The following XIRP2 variants were observed in gnomAD, a reference collection of about 807,000 sequenced individuals.
XIRP2 encodes the protein xin actin binding repeat containing 2, also known as xin actin-binding repeat-containing protein 2.
A neutral mutation model predicts 277.0 loss-of-function variants in XIRP2; 236 were observed. The observed-to-expected ratio is 0.85, with a 90% CI of 0.77 to 0.95. XIRP2 has a LOEUF of 0.95. Among genes scored for constraint, XIRP2 ranks in the 40% least tolerant of loss-of-function variants. The pLI is 0.00. For synonymous variants in XIRP2, 1,490 were observed against 1,416.5 expected (o/e 1.05, Z -1.17); for missense variants, 4,640 against 4,157.5 (o/e 1.12, Z -3.19).
At chr2:167,016,914 A>T (rs1415669427) in intron 2 of XIRP2, among the ~76,000 whole-genome samples, 1 of 151,960 alleles carries the variant, frequency 6.6e-6, no homozygotes, top group Non-Finnish European at 1.5e-5. Context: ...TTCTTATATC[A>T]TGCTTTTTCA....
intron 2 of XIRP2, among the ~76,000 whole-genome samples, chr2:167,005,798 A>C (rs1003538030): frequency 1.3e-5 from 2 of 151,778 alleles, no homozygotes; most frequent in South Asian, 4.1e-4. Flanking sequence ...ATAAAAAAAA[A>C]AAAATTACAC....
intron 2 of XIRP2, among the ~76,000 whole-genome samples, chr2:167,054,500 A>G (rs1688994682): frequency 1.3e-5 from 2 of 152,152 alleles, no homozygotes; most frequent in Non-Finnish European, 2.9e-5. Context: ...CCTGGCCAAC[A>G]TGGTGAAACC....
At chr2:167,211,612 A>G (rs1333099079) in intron 4 of XIRP2, among the ~76,000 whole-genome samples, 1 of 152,214 alleles carries the variant, frequency 6.6e-6, no homozygotes, top group East Asian at 1.9e-4. Flanking sequence ...TTTTAATAAC[A>G]TGGGTTTGCA....
At chr2:167,062,642 C>T (rs1237980245) in intron 2 of XIRP2, among the ~76,000 whole-genome samples, 1 of 152,084 alleles carries the variant, frequency 6.6e-6, no homozygotes, top group Non-Finnish European at 1.5e-5. Flanking sequence ...ATATCTGGGC[C>T]TTGAGTCTTC....
At chr2:167,150,173 T>A (rs1179761800) in intron 3 of XIRP2, among the ~76,000 whole-genome samples, 1 of 151,994 alleles carries the variant, frequency 6.6e-6, no homozygotes, top group Non-Finnish European at 1.5e-5. Context: ...GTAGCACTAC[T>A]AATAATTGAG....
At chr2:167,004,505 T>TA (rs1036074584) in intron 2 of XIRP2, among the ~76,000 whole-genome samples, 12 of 151,858 alleles carry the variant, frequency 7.9e-5, no homozygotes, top group Non-Finnish European at 1.5e-5. Context: ...TACCAGACCA[T>TA]ACATTGAATA....
chr2:167,248,568 C>A lies in XIRP2; in HGVS notation c.7176C>A (p.Phe2392Leu). Residue 2392 changes from phenylalanine to leucine, a missense_variant, in exon 9 of 11, where the codon TTC becomes TTA. By Grantham distance (22) the Phe-to-Leu change is conservative. Coordinates refer to ENST00000409195, the MANE Select transcript of XIRP2 (RefSeq NM_152381.6). ...CTCCGGAAAAGCACAGTGGAGACTT[C>A]ATGCAACAATATTCCCAAAAAGAAG... ...SSAPEKHSGD[F>L]MQQYSQKEAS... 6.2e-7 allele frequency: 1 copy of A among 1,613,766 alleles called. No homozygotes were observed. The highest frequency in any genetic ancestry group is 8.5e-7 in the Non-Finnish European group (1 of 1,179,802).
chr2:167,078,603 G>A (rs559963364), intron 2 of XIRP2, among the ~76,000 whole-genome samples: 68 of 152,134 alleles, frequency 4.5e-4, no homozygotes, highest in African/African-American at 1.5e-3. Context: ...TTGGGAGGCC[G>A]AGGTGGGCAG....
chr2:167,187,654 G>A (rs1287046875), intron 3 of XIRP2: 1 of 688,638 alleles, frequency 1.5e-6, no homozygotes, highest in African/African-American at 2.0e-5. Context: ...AAAATATCCA[G>A]TTGGATTTTG....
intron 3 of XIRP2, among the ~76,000 whole-genome samples, chr2:167,171,075 T>C (rs767113651): frequency 2.9e-4 from 44 of 152,074 alleles, no homozygotes; most frequent in Non-Finnish European, 5.4e-4. Context: ...AATTTTTGTA[T>C]TTTTAGTAGA....
rs1185346211 is a variant in XIRP2, at chr2:167,049,509, GA to G, written c.409-86389del. ...TTACAAATAATGGAGACCTTCTCCAGAAAAAAAAAAACATAATTAAGAAAAG... is the reference window on the plus strand; with the variant it reads ...TTACAAATAATGGAGACCTTCTCCAGAAAAAAAAAACATAATTAAGAAAAG... On this transcript the variant is annotated intron_variant, in intron 2 of 10. Transcript: ENST00000409195. 4.5e-3 allele frequency among the ~76,000 whole-genome samples: 615 copies of G among 135,790 alleles called. 2 individuals are homozygous for G. Among genetic ancestry groups the G allele is most frequent in the African/African-American group, 8.4e-3 (315 of 37,470 alleles). The allele number at this position is 135,790 out of a possible 152,430, so 89.1% of individuals were successfully genotyped here.
At chr2:167,061,890 A>G (rs1689182160) in intron 2 of XIRP2, among the ~76,000 whole-genome samples, 1 of 152,130 alleles carries the variant, frequency 6.6e-6, no homozygotes, top group South Asian at 2.1e-4. Context: ...CAAAACTGTG[A>G]ACAAATAAAT....
chr2:167,008,098 A>G (rs919389377), intron 2 of XIRP2, among the ~76,000 whole-genome samples: 1 of 151,568 alleles, frequency 6.6e-6, no homozygotes, highest in Non-Finnish European at 1.5e-5. Flanking sequence ...CCATCCTTGG[A>G]TTGAATTTAC....
chr2:167,202,716 A>G (rs1693757862), intron 3 of XIRP2, among the ~76,000 whole-genome samples: 1 of 152,206 alleles, frequency 6.6e-6, no homozygotes, highest in Non-Finnish European at 1.5e-5. Flanking sequence ...GAATGCTTGT[A>G]TCAGTTTCCT....
Position 167,244,839 on chromosome 2 carries a change from G to A in XIRP2, c.3447G>A (p.Leu1149=). ...ATGACTCTGAAACAGCAGTCAAATT[G>A]CAAACTGTAAAACAGGAGGAGATCC... ...IKDDSETAVK[L]QTVKQEEIQG... is the part of the protein sequence containing the mutation. The change falls in exon 9 of 11, where the codon TTG becomes TTA. Residue 1149 remains leucine, a synonymous_variant. Transcript: ENST00000409195. 2 of 1,613,698 alleles carry A rather than the reference G, an allele frequency of 1.2e-6. No individual in the cohort carries two copies. The highest frequency in any genetic ancestry group is 1.7e-4 in the Middle Eastern group (1 of 6,060).
At chr2:167,189,154 T>G (rs962587358) in intron 3 of XIRP2, among the ~76,000 whole-genome samples, 9 of 152,212 alleles carry the variant, frequency 5.9e-5, no homozygotes, top group Admixed American at 3.9e-4. Context: ...TTTTACTTAC[T>G]TGGTAAAATA....
chr2:166,923,209 C>T (rs140960422), intron 2 of XIRP2, among the ~76,000 whole-genome samples: 25 of 152,044 alleles, frequency 1.6e-4, no homozygotes, highest in African/African-American at 3.9e-4. Context: ...CATGTTTGAA[C>T]GGTAAAAGTA....
chr2:167,035,742 C>A (rs751658756), intron 2 of XIRP2, among the ~76,000 whole-genome samples: 1 of 152,182 alleles, frequency 6.6e-6, no homozygotes, highest in African/African-American at 2.4e-5. Context: ...ATCCCCAAGA[C>A]CATGGAGAAA....
At chr2:167,097,981 T>C (rs2105282874) in intron 2 of XIRP2, among the ~76,000 whole-genome samples, 1 of 152,322 alleles carries the variant, frequency 6.6e-6, no homozygotes, top group East Asian at 1.9e-4. Context: ...GCCCTTAACA[T>C]TTTTTCCTTC....
Sources: gnomAD v4.1 joint callset for allele counts (sites outside exome capture counted in the v4.1 genomes callset) on GRCh38, gnomAD v4.1.1 for gene constraint, MANE v1.5 for transcripts, NCBI Gene and HGNC (gene_info 2026-07-23, HGNC 2026-07-21) for gene names.